CPPED1: variants seen among roughly 807,000 people sequenced by gnomAD.
CPPED1 encodes the protein calcineurin like phosphoesterase domain containing 1.
CPPED1 carries 28 observed loss-of-function variants against 28.0 expected under a neutral mutation model. That is an observed-to-expected ratio of 1.00 (90% confidence interval 0.74 to 1.37). The LOEUF is 1.37. Ranked by LOEUF, CPPED1 falls within the 40% of genes most tolerant of loss-of-function variation. The probability of loss-of-function intolerance (pLI) is 0.00; values close to 1 mark genes in which losing one functional copy is unlikely to be tolerated. For missense variants in CPPED1, 504 were observed against 416.5 expected (o/e 1.21, Z -1.83); for synonymous variants, 198 against 180.2 (o/e 1.10, Z -0.79).
rs951097573 is a variant in CPPED1, at chr16:12,671,774, T to C, written c.716-6659A>G. 4.6e-5 allele frequency among the ~76,000 whole-genome samples: 7 copies of C among 152,328 alleles called. No individual in the cohort carries two copies. In the East Asian group the frequency reaches 1.3e-3, roughly 29 times the overall value. Reference sequence around the variant, plus strand: ...TGTCTAGATACACAAATCCCTACCATGGACGTTTTAGTCAATGATGGACGC... The same window carrying C: ...TGTCTAGATACACAAATCCCTACCACGGACGTTTTAGTCAATGATGGACGC... On this transcript the variant is annotated intron_variant, in intron 3 of 3. Transcript: ENST00000381774.
At chr16:12,701,927 C>T (rs574240675) in intron 3 of CPPED1, among the ~76,000 whole-genome samples, 3 of 152,296 alleles carry the variant, frequency 2.0e-5, no homozygotes, top group East Asian at 3.9e-4. Context: ...AGGCAGCTAA[C>T]CCCCCTGTTT....
chr16:12,671,727 T>C (rs941461118), intron 3 of CPPED1, among the ~76,000 whole-genome samples: 8 of 152,164 alleles, frequency 5.3e-5, no homozygotes, highest in Admixed American at 4.6e-4. Context: ...TATAATGCTG[T>C]ATTTTCACTG....
Position 12,772,799 on chromosome 16 carries a change from C to G in CPPED1, c.289+8386G>C, listed in dbSNP as rs140637626. 3.7e-3 allele frequency among the ~76,000 whole-genome samples: 568 copies of G among 152,314 alleles called. 2 individuals are homozygous for G. The highest frequency in any genetic ancestry group is 0.013 in the African/African-American group (543 of 41,556). ...CAGATCCATAAGCTCTTATCCCAAA[C>G]CCCCTAGGCCAGATCTCATTTGAAA... On this transcript the variant is annotated intron_variant, in intron 2 of 3. Transcript: ENST00000381774.
chr16:12,713,172 T>C (rs1472723644), intron 2 of CPPED1, among the ~76,000 whole-genome samples: 2 of 152,078 alleles, frequency 1.3e-5, no homozygotes, highest in African/African-American at 2.4e-5. Flanking sequence ...TCAGGACGAA[T>C]TGTGTTCTTT....
intron 2 of CPPED1, among the ~76,000 whole-genome samples, chr16:12,775,947 G>C (rs2080495088): frequency 6.6e-6 from 1 of 152,200 alleles, no homozygotes. Context: ...TCTGCAGTAG[G>C]CTGAACAATG....
chr16:12,700,457 C>A (rs2080014461), intron 3 of CPPED1, among the ~76,000 whole-genome samples: 1 of 152,240 alleles, frequency 6.6e-6, no homozygotes, highest in Non-Finnish European at 1.5e-5. Context: ...GTGGCATGAT[C>A]TCGGCTCATT....
intron 2 of CPPED1, among the ~76,000 whole-genome samples, chr16:12,727,404 G>C (rs1019598735): frequency 6.6e-6 from 1 of 152,152 alleles, no homozygotes; most frequent in East Asian, 1.9e-4. Flanking sequence ...CCAGGCTGGA[G>C]TGCAGTGGCA....
intron 3 of CPPED1, among the ~76,000 whole-genome samples, chr16:12,698,612 G>A (rs1486337553): frequency 6.6e-6 from 1 of 152,064 alleles, no homozygotes; most frequent in African/African-American, 2.4e-5. Context: ...CTATATTTTA[G>A]TAGAGATGGA....
chr16:12,704,559 A>C, intron 3 of CPPED1, 65 bp downstream of exon 3: 2 of 1,485,690 alleles, frequency 1.3e-6, no homozygotes, highest in Non-Finnish European at 1.8e-6. Context: ...GACGGGAGAA[A>C]GATCTGGAAA....
At chr16:12,793,479 C>T (rs1596487855) in intron 1 of CPPED1, among the ~76,000 whole-genome samples, 1 of 152,166 alleles carries the variant, frequency 6.6e-6, no homozygotes, top group Admixed American at 6.6e-5. Flanking sequence ...AGTTCAACTC[C>T]CATTTCTACC....
intron 2 of CPPED1, among the ~76,000 whole-genome samples, chr16:12,741,273 A>G (rs2080253688): frequency 6.6e-6 from 1 of 150,508 alleles, no homozygotes. Context: ...AAATCAGCAG[A>G]AAAAAATAAA....
chr16:12,710,202 T>C (rs1246556956), intron 2 of CPPED1, among the ~76,000 whole-genome samples: 1 of 152,176 alleles, frequency 6.6e-6, no homozygotes, highest in Non-Finnish European at 1.5e-5. Context: ...TCAACAGTAT[T>C]TCTACATCCT....
In CPPED1 at chr16:12,709,336, T is replaced by C. The variant is rs114079125; in HGVS notation, c.290-4287A>G. On this transcript the variant is annotated intron_variant, in intron 2 of 3. Coordinates refer to ENST00000381774, the MANE Select transcript of CPPED1 (RefSeq NM_018340.3). The surrounding 1 kb of genome is among the most constrained non-coding windows in gnomAD (Gnocchi z 4.4). ...AAGGATTGTTCTGGGGTCTCCAAGG[T>C]GGATAAGAGGTATCTGCTGAGAAGT... Among the ~76,000 whole-genome samples, 2,041 of 152,074 alleles carry C rather than the reference T, an allele frequency of 0.013. 46 individuals are homozygous for C. Among genetic ancestry groups the C allele is most frequent in the African/African-American group, 0.047 (1,937 of 41,476 alleles).
chr16:12,691,099 C>A (rs2079960503), intron 3 of CPPED1, among the ~76,000 whole-genome samples: 2 of 152,242 alleles, frequency 1.3e-5, no homozygotes, highest in Admixed American at 1.3e-4. Flanking sequence ...CCCAGGGCCA[C>A]TGCCCAGGCC....
At chr16:12,758,739 T>C (rs1218676095) in intron 2 of CPPED1, among the ~76,000 whole-genome samples, 4 of 152,156 alleles carry the variant, frequency 2.6e-5, no homozygotes, top group Non-Finnish European at 5.9e-5. Flanking sequence ...TACAGTTTAC[T>C]ACAAGTAGAA....
chr16:12,741,501 A>T (rs2080255415), intron 2 of CPPED1, among the ~76,000 whole-genome samples: 2 of 152,200 alleles, frequency 1.3e-5, no homozygotes, highest in Non-Finnish European at 2.9e-5. Context: ...GCTTTCCCCC[A>T]GTGGGGAAGG....
intron 2 of CPPED1, among the ~76,000 whole-genome samples, chr16:12,725,399 G>A (rs1248348575): frequency 6.6e-6 from 1 of 152,156 alleles, no homozygotes; most frequent in Non-Finnish European, 1.5e-5. Flanking sequence ...CAGCCAACAT[G>A]ATTCTTGACA....
chr16:12,716,899 G>A (rs1185702030), intron 2 of CPPED1, among the ~76,000 whole-genome samples: 1 of 152,194 alleles, frequency 6.6e-6, no homozygotes, highest in Non-Finnish European at 1.5e-5. Context: ...GAGTTATGAA[G>A]TTACGACACG....
At chr16:12,672,920 A>G (rs1358224185) in intron 3 of CPPED1, among the ~76,000 whole-genome samples, 2 of 152,202 alleles carry the variant, frequency 1.3e-5, no homozygotes, top group African/African-American at 2.4e-5. Context: ...AGGCTGAGGC[A>G]TAAGAATCGC....
Sources: allele counts gnomAD v4.1 joint callset (sites outside exome capture counted in the v4.1 genomes callset), GRCh38; gene constraint gnomAD v4.1.1; non-coding constraint Gnocchi (gnomAD v3.1); transcripts MANE v1.5; gene names NCBI Gene and HGNC (gene_info 2026-07-23, HGNC 2026-07-21).